PDIA6: variants seen among roughly 807,000 people sequenced by gnomAD.
PDIA6 encodes protein disulfide isomerase family A member 6.
In PDIA6, 29 loss-of-function variants were observed where a neutral mutation model predicts 58.4. The observed-to-expected ratio is 0.50, with a 90% CI of 0.37 to 0.68. PDIA6 has a LOEUF of 0.68. Ranked by LOEUF, PDIA6 falls within the 30% of genes least tolerant of loss-of-function variation. The pLI is 0.00. For missense variants in PDIA6, 480 were observed against 551.0 expected (o/e 0.87, Z 1.29); for synonymous variants, 192 against 202.6 (o/e 0.95, Z 0.44).
chr2:10,786,034 C>T (rs964018266), intron 11 of PDIA6, among the ~76,000 whole-genome samples: 3 of 151,932 alleles, frequency 2.0e-5, no homozygotes, highest in East Asian at 3.9e-4. Context: ...AATGAAAACA[C>T]CCCCTTGGCC....
intron 2 of PDIA6, among the ~76,000 whole-genome samples, chr2:10,818,477 A>ATTTTTTTT (rs201125427): frequency 9.7e-6 from 1 of 103,510 alleles, no homozygotes; most frequent in South Asian, 3.5e-4. Context: ...CACTTTAACC[A>ATTTTTTTT]TTTAATTTAT....
chr2:10,795,409 G>GA (rs997836453), intron 4 of PDIA6, among the ~76,000 whole-genome samples: 1 of 151,722 alleles, frequency 6.6e-6, no homozygotes, highest in Non-Finnish European at 1.5e-5. Context: ...TTACTCAGGG[G>GA]AAAAAAAAGT....
chr2:10,829,392 C>T (rs1254970366), intron 1 of PDIA6, among the ~76,000 whole-genome samples: 3 of 152,238 alleles, frequency 2.0e-5, no homozygotes, highest in African/African-American at 7.2e-5. Flanking sequence ...CTCTGCCCTG[C>T]TTCTCCAGAC....
At chr2:10,810,551 T>A in intron 1 of PDIA6, 2 of 760,758 alleles carry the variant, frequency 2.6e-6, no homozygotes, top group Non-Finnish European at 3.4e-6. Flanking sequence ...GTGAGGGACC[T>A]TTGTTTGTCT....
At chr2:10,806,532 T>G (rs929433069) in intron 1 of PDIA6, among the ~76,000 whole-genome samples, 2 of 149,518 alleles carry the variant, frequency 1.3e-5, no homozygotes, top group South Asian at 2.1e-4. Flanking sequence ...TCCCAACACT[T>G]TGGAGGCCAA....
chr2:10,802,727 AC>A, intron 1 of PDIA6, 87 bp from the exon 2 acceptor site: 3 of 1,071,842 alleles, frequency 2.8e-6, no homozygotes, highest in South Asian at 3.6e-5. Flanking sequence ...TCTTTAACTG[AC>A]CAGGGCCCTT....
At chr2:10,822,214 C>G (rs1278220875) in intron 1 of PDIA6, among the ~76,000 whole-genome samples, 1 of 151,928 alleles carries the variant, frequency 6.6e-6, no homozygotes, top group Non-Finnish European at 1.5e-5. Flanking sequence ...GTTGAGATTA[C>G]AGGCATGAGC....
intron 4 of PDIA6, among the ~76,000 whole-genome samples, chr2:10,795,466 T>G (rs1298510373): frequency 7.0e-6 from 1 of 143,590 alleles, no homozygotes; most frequent in Non-Finnish European, 1.6e-5. Flanking sequence ...AGACAACGTG[T>G]CCAAGGCCAC....
upstream of PDIA6, among the ~76,000 whole-genome samples, chr2:10,834,889 C>T (rs1162885596): frequency 6.6e-6 from 1 of 152,030 alleles, no homozygotes; most frequent in Non-Finnish European, 1.5e-5. Flanking sequence ...GCCTCAGCCT[C>T]CTTAGTAGCT....
chr2:10,801,898 C>T (rs1350277631), intron 2 of PDIA6, among the ~76,000 whole-genome samples: 2 of 152,234 alleles, frequency 1.3e-5, no homozygotes, highest in Admixed American at 6.5e-5. Context: ...CAGTTCTTCA[C>T]AGACACACAG....
chr2:10,826,619 C>G (rs1181018247), intron 1 of PDIA6, among the ~76,000 whole-genome samples: 4 of 152,190 alleles, frequency 2.6e-5, no homozygotes, highest in African/African-American at 9.7e-5. Context: ...CTCAGCCTCC[C>G]AAAGTGCTGG....
At chr2:10,812,392 C>T (rs926321442) in intron 1 of PDIA6, among the ~76,000 whole-genome samples, 1 of 144,006 alleles carries the variant, frequency 6.9e-6, no homozygotes, top group Non-Finnish European at 1.6e-5. Context: ...CTGGGCTCCG[C>T]GGCTCTCCCG....
At position 10,796,143 on chromosome 2, in the gene PDIA6, T is replaced by G. The variant is rs539398986; in HGVS notation, c.346+938A>C. Reference sequence around the variant, plus strand: ...ATCTCGGCTCACTGCAAGCTCCGCCTTCCGGGTTCACGCCATTCTCCTGCC... The same window carrying G: ...ATCTCGGCTCACTGCAAGCTCCGCCGTCCGGGTTCACGCCATTCTCCTGCC... On this transcript the variant is annotated intron_variant, in intron 4 of 12. Transcript: ENST00000272227. Among the ~76,000 whole-genome samples the G allele has an allele frequency of 2.0e-5, 3 of 150,102 alleles. No individual in the cohort carries two copies. The East Asian group carries it at 5.9e-4, about 29-fold the overall frequency.
At chr2:10,802,441 G>A (rs1686434) in intron 2 of PDIA6, 58 bp downstream of exon 2, 588,726 of 1,096,688 alleles carry the variant, frequency 0.54, 162,080 homozygotes, top group Middle Eastern at 0.58. Flanking sequence ...TTTATACAGC[G>A]TTTTCTCCAA....
At chr2:10,797,527 T>C (rs756581036) in intron 3 of PDIA6, among the ~76,000 whole-genome samples, 173 bp downstream of exon 3, 2 of 152,224 alleles carry the variant, frequency 1.3e-5, no homozygotes, top group Non-Finnish European at 2.9e-5. Flanking sequence ...GTTCTCAGTA[T>C]GATTTTGACA....
intron 1 of PDIA6, among the ~76,000 whole-genome samples, chr2:10,831,824 C>T (rs1439629477): frequency 1.3e-5 from 2 of 152,008 alleles, no homozygotes; most frequent in African/African-American, 4.8e-5. Context: ...TTCCTGGACC[C>T]CTGCTGTCCT....
chr2:10,787,190 C>T (rs1665806091), intron 11 of PDIA6, 91 bp downstream of exon 11: 1 of 1,054,978 alleles, frequency 9.5e-7, no homozygotes, highest in Non-Finnish European at 1.5e-6. Flanking sequence ...CCATTTATTA[C>T]CTGGCTTATA....
chr2:10,801,254 G>A (rs903040312), intron 2 of PDIA6, among the ~76,000 whole-genome samples: 3 of 152,080 alleles, frequency 2.0e-5, no homozygotes, highest in African/African-American at 7.2e-5. Context: ...CTCTAGCCTG[G>A]GAGAAAGTGA....
At position 10,785,026 on chromosome 2, in the gene PDIA6, G is replaced by C; in HGVS notation, c.1162C>G (p.Leu388Val). The C allele has an allele frequency of 2.5e-6, 4 of 1,572,102 alleles. No homozygotes were observed. The South Asian group carries it at 4.7e-5, about 18-fold the overall frequency. ...GCCGTGGAGCCACGCCCAAAAGAGA[G>C]CTCCCTTAGGGAAAAATGACCAAAA... ...EQGINEFLRE[L>V]SFGRGSTAPV... Residue 388 changes from leucine to valine, a missense_variant, in exon 12 of 13, where the codon CTC (leucine) becomes GTC (valine). Leu to Val is a conservative substitution (Grantham distance 32). Coordinates refer to ENST00000272227, the MANE Select transcript of PDIA6 (RefSeq NM_005742.4).
Sources: allele counts gnomAD v4.1 joint callset (sites outside exome capture counted in the v4.1 genomes callset), GRCh38; gene constraint gnomAD v4.1.1; transcripts MANE v1.5; gene names NCBI Gene and HGNC (gene_info 2026-07-23, HGNC 2026-07-21).